NOD1: variants seen among roughly 807,000 people sequenced by gnomAD.
The protein encoded by NOD1 is nucleotide binding oligomerization domain containing 1.
NOD1 carries 70 observed loss-of-function variants against 81.2 expected under a neutral mutation model. That is an observed-to-expected ratio of 0.86 (90% CI 0.71 to 1.05). NOD1 has a LOEUF of 1.05. NOD1 is among the 50% of genes least tolerant of loss of function. The probability of loss-of-function intolerance (pLI) is 0.00; values close to 1 mark genes in which losing one functional copy is unlikely to be tolerated. For synonymous variants in NOD1, 508 were observed against 526.9 expected, an observed-to-expected ratio of 0.96 and a Z score of 0.49; for missense variants, 1,233 against 1,228.0, an observed-to-expected ratio of 1.00 and a Z score of -0.06.
In NOD1 at chr7:30,452,675, GC is replaced by G. The variant is rs1785902290; in HGVS notation, c.741del (p.Arg247SerfsTer49). On this transcript the variant is annotated frameshift_variant, in exon 6 of 14. Transcript: ENST00000222823. LOFTEE classifies it high-confidence loss of function. ...RMFSCFKESDRLCLQDLLFKH... is the reference protein window; with the variant it reads ...RMFSCFKESDXLCLQDLLFKH... ...TTGAAGAGCAGGTCCTGCAGACACA[GC>G]CTGTCACTTTCCTTGAAGCAGCTGA... The G allele has an allele frequency of 5.6e-6, 9 of 1,613,732 alleles. No homozygotes were observed. The highest frequency in any genetic ancestry group is 7.6e-6 in the Non-Finnish European group (9 of 1,180,048).
At chr7:30,464,357 A>T (rs1462260927) in intron 1 of NOD1, among the ~76,000 whole-genome samples, 1 of 152,138 alleles carries the variant, frequency 6.6e-6, no homozygotes, top group Non-Finnish European at 1.5e-5. Context: ...AGGGGCAGAG[A>T]GTGGTGGGAC....
At chr7:30,457,095 C>A in intron 3 of NOD1, 53 bp from the exon 4 acceptor site, 1 of 608,534 alleles carries the variant, frequency 1.6e-6, no homozygotes. Context: ...AAAGAGCTCA[C>A]CCCACCTCCC....
In NOD1 at chr7:30,478,593, C is replaced by T. The variant is rs5743333; in HGVS notation, c.-352+13G>A. On this transcript the variant is annotated intron_variant, in intron 1 of 13. Coordinates refer to ENST00000222823, the MANE Select transcript of NOD1 (RefSeq NM_006092.4). This position sits in a 1 kb window ranked among gnomAD's most constrained non-coding sequence, Gnocchi z 4.1. ...GGCCTGCCCCGCGCGAATCCCCAGT[C>T]GCTGGGACTTACTTGGCCACCAGGT... 0.011 allele frequency: 1,743 copies of T among 152,492 alleles called. 25 individuals are homozygous for T. Among genetic ancestry groups the T allele is most frequent in the South Asian group, 0.043 (208 of 4,828 alleles). The allele number at this position is 152,492 out of a possible 1,614,324, so 9.4% of individuals were successfully genotyped here. A position where few individuals can be genotyped will look rare whatever the true frequency, so the allele number is the denominator to read the frequency against.
Position 30,455,179 on chromosome 7 carries a change from A to G in NOD1, c.334T>C (p.Ser112Pro). 1 of 1,614,090 alleles carries G rather than the reference A, an allele frequency of 6.2e-7. No homozygotes were observed. ...PWLLEIGFSP[S>P]LLTQSKVVVN... ...ACGACTTTGCTCTGAGTGAGCAGGG[A>G]AGGGGAGAAGCCGATCTCCAGCAGC... The change falls in exon 5 of 14, where the codon TCC becomes CCC. Residue 112 changes from serine (S) to proline (P), a missense_variant. Ser to Pro is a moderately conservative substitution (Grantham distance 74). Transcript: ENST00000222823.
chr7:30,460,100 C>A, intron 1 of NOD1, 59 bp from the exon 2 acceptor site: 1 of 322,110 alleles, frequency 3.1e-6, no homozygotes, highest in Non-Finnish European at 4.5e-6. Flanking sequence ...TTTATAATGT[C>A]CAGAGCCCTG....
At chr7:30,448,449 C>A in intron 6 of NOD1, 68 bp from the exon 7 acceptor site, 1 of 1,341,396 alleles carries the variant, frequency 7.5e-7, no homozygotes, top group Non-Finnish European at 1.1e-6. Context: ...ATTAATCTTA[C>A]AAAGATCCAG....
At chr7:30,455,060 G>T in intron 5 of NOD1, 77 bp downstream of exon 5, 1 of 1,433,462 alleles carries the variant, frequency 7.0e-7, no homozygotes, top group Non-Finnish European at 9.6e-7. Context: ...GGCACTCAGG[G>T]CTGGCCCAGC....
rs1785868800 is a variant in NOD1 at position 30,452,529 on chromosome 7, G to A, written c.888C>T (p.Ser296=). The A allele has an allele frequency of 6.8e-6, 11 of 1,612,998 alleles. No homozygotes were observed. The East Asian group carries it at 2.2e-4, about 33-fold the overall frequency. The change falls in exon 6 of 14, where the codon AGC becomes AGT. Residue 296 remains serine, a synonymous_variant. Coordinates refer to ENST00000222823, the MANE Select transcript of NOD1 (RefSeq NM_006092.4). ...AGGGGCAGGAGCTGTCAGGCACGCG[G>A]CTCAGGTCCAAGTCCGAGTGCAGCT... ...LDELHSDLDL[S]RVPDSSCPWE... is the part of the protein sequence containing the mutation.
At chr7:30,438,589 C>T (rs569645860) in intron 9 of NOD1, among the ~76,000 whole-genome samples, 2 of 152,344 alleles carry the variant, frequency 1.3e-5, no homozygotes, top group South Asian at 2.1e-4. Context: ...CTCAACAACA[C>T]GTTCACACCA....
At chr7:30,437,338 T>G (rs1208481677) in intron 10 of NOD1, among the ~76,000 whole-genome samples, 1 of 152,188 alleles carries the variant, frequency 6.6e-6, no homozygotes, top group African/African-American at 2.4e-5. Flanking sequence ...TGCATTTGCC[T>G]ATGTAACAAA....
chr7:30,455,068 A>T (rs748829094), intron 5 of NOD1, 69 bp downstream of exon 5: 22 of 1,501,722 alleles, frequency 1.5e-5, no homozygotes, highest in Non-Finnish European at 1.8e-5. Flanking sequence ...GGGCTGGCCC[A>T]GCCATTACCA....
Position 30,425,356 on chromosome 7 carries a change from A to G in NOD1, c.*282T>C, listed in dbSNP as rs914094893. 5 of 377,398 alleles carry G rather than the reference A, an allele frequency of 1.3e-5. No homozygotes were observed. Among genetic ancestry groups the G allele is most frequent in the Non-Finnish European group, 2.4e-5 (5 of 207,142 alleles). The allele number at this position is 377,398 out of a possible 1,614,324, so 23.4% of individuals were successfully genotyped here. On this transcript the variant is annotated 3_prime_UTR_variant, in exon 14 of 14. Transcript: ENST00000222823. ...CAGCTTTATTCCTCTAGCTTCAGAT[A>G]AAAATAATTATAATAGGCAATAAAG... is the stretch of plus-strand genomic sequence containing the variant.
At chr7:30,448,207 C>A in intron 7 of NOD1, 91 bp downstream of exon 7, 1 of 1,086,328 alleles carries the variant, frequency 9.2e-7, no homozygotes, top group Non-Finnish European at 1.4e-6. Flanking sequence ...GCCATCCGTG[C>A]CGATCATCCA....
At chr7:30,446,361 T>C (rs1785083885) in intron 8 of NOD1, 137 bp from the exon 9 acceptor site, 3 of 710,488 alleles carry the variant, frequency 4.2e-6, no homozygotes, top group South Asian at 1.6e-5. Context: ...ACAAGAGCCA[T>C]GGCCTGGGCC....
chr7:30,457,918 C>T (rs574238432), intron 3 of NOD1, among the ~76,000 whole-genome samples: 1 of 152,234 alleles, frequency 6.6e-6, no homozygotes, highest in East Asian at 1.9e-4. Context: ...GTCTGTTATA[C>T]ACAAGCACCC....
intron 5 of NOD1, among the ~76,000 whole-genome samples, chr7:30,453,787 A>G (rs1369600575): frequency 6.6e-6 from 1 of 152,182 alleles, no homozygotes; most frequent in Non-Finnish European, 1.5e-5. Flanking sequence ...ATCTTCCCAG[A>G]GTTTTCTGGA....
rs1785331169 is a variant in NOD1 at position 30,448,347 on chromosome 7, T to C, written c.2236A>G (p.Lys746Glu). The change falls in exon 7 of 14, where the codon AAG (lysine) becomes GAG (glutamate). Residue 746 changes from lysine (K) to glutamate (E), a missense_variant. Lys to Glu is a moderately conservative substitution (Grantham distance 56, BLOSUM62 1). Transcript: ENST00000222823. ...TTGGTCAGCTCTTCGCTTAGCACCT[T>C]TACCCCACCGTCAGTGATCTGGTTT... ...SVNQITDGGVKVLSEELTKYK... is the reference protein window; with the variant it reads ...SVNQITDGGVEVLSEELTKYK... The C allele has an allele frequency of 6.2e-7, 1 of 1,614,210 alleles. No homozygotes were observed. The highest frequency in any genetic ancestry group is 8.5e-7 in the Non-Finnish European group (1 of 1,180,040).
rs1485009253 is a variant in NOD1, at chr7:30,430,210, G to T, written c.2706-753C>A. 2.0e-5 allele frequency among the ~76,000 whole-genome samples: 3 copies of T among 152,316 alleles called. No homozygotes were observed. In the East Asian group the frequency reaches 5.8e-4, roughly 29 times the overall value. On this transcript the variant is annotated intron_variant, in intron 12 of 13. Coordinates refer to ENST00000222823, the MANE Select transcript of NOD1 (RefSeq NM_006092.4). ...TATGCTGCCATGAAATAGTTCTCAT[G>T]AATAGTTCTCATGGGGCTCAGTGGA...
At chr7:30,433,603 A>G (rs1284188773) in intron 11 of NOD1, among the ~76,000 whole-genome samples, 1 of 152,190 alleles carries the variant, frequency 6.6e-6, no homozygotes, top group Non-Finnish European at 1.5e-5. Context: ...CTGACTGCAC[A>G]TTAAAATGTG....
Sources: gnomAD v4.1 joint callset for allele counts (sites outside exome capture counted in the v4.1 genomes callset) on GRCh38, gnomAD v4.1.1 for gene constraint, Gnocchi (gnomAD v3.1) non-coding constraint, MANE v1.5 for transcripts, NCBI Gene and HGNC (gene_info 2026-07-23, HGNC 2026-07-21) for gene names.